TMEFF2: variants seen among roughly 807,000 people sequenced by gnomAD.
The protein encoded by TMEFF2 is transmembrane protein with EGF like and two follistatin like domains 2.
Under a neutral mutation model 53.8 loss-of-function variants are expected in TMEFF2, and 28 were observed. The observed-to-expected ratio is 0.52, with a 90% CI of 0.39 to 0.71. The LOEUF is 0.71. Among genes scored for constraint, TMEFF2 ranks in the 30% least tolerant of loss-of-function variants. The pLI, the probability that TMEFF2 is intolerant of heterozygous loss-of-function variation, is 0.00. For synonymous variants in TMEFF2, 162 were observed against 166.3 expected, an observed-to-expected ratio of 0.97 and a Z score of 0.20; for missense variants, 353 against 455.2, an observed-to-expected ratio of 0.78 and a Z score of 2.04.
chr2:192,039,275 TAAAA>T (rs986658303), intron 5 of TMEFF2, among the ~76,000 whole-genome samples: 1 of 152,072 alleles, frequency 6.6e-6, no homozygotes, highest in Non-Finnish European at 1.5e-5. Context: ...ATTCTATGAA[TAAAA>T]AAAGAAAGAA....
chr2:192,090,413 CAT>C (rs1688764602), intron 4 of TMEFF2, among the ~76,000 whole-genome samples: 1 of 152,100 alleles, frequency 6.6e-6, no homozygotes. Context: ...GGCATCATGA[CAT>C]GTCTTTAATC....
At chr2:191,977,074 A>G (rs1485335356) in intron 7 of TMEFF2, among the ~76,000 whole-genome samples, 1 of 152,236 alleles carries the variant, frequency 6.6e-6, no homozygotes, top group East Asian at 1.9e-4. Context: ...AATAAATGAA[A>G]GTGGCTGTTA....
At chr2:192,051,429 C>T (rs1687768687) in intron 5 of TMEFF2, among the ~76,000 whole-genome samples, 1 of 152,128 alleles carries the variant, frequency 6.6e-6, no homozygotes, top group Non-Finnish European at 1.5e-5. Flanking sequence ...ATATCCAAGT[C>T]TGACCTTTTT....
chr2:192,166,289 A>G (rs544833430), intron 4 of TMEFF2, among the ~76,000 whole-genome samples: 27 of 152,164 alleles, frequency 1.8e-4, no homozygotes, highest in Middle Eastern at 3.2e-3. Flanking sequence ...AGGGCTCAGA[A>G]GAGAGTTATC....
intron 4 of TMEFF2, among the ~76,000 whole-genome samples, chr2:192,168,237 A>G (rs1286861751): frequency 6.6e-6 from 1 of 152,082 alleles, no homozygotes; most frequent in Non-Finnish European, 1.5e-5. Context: ...TTTCCAAGTA[A>G]TATGCTTTGA....
At chr2:192,028,914 A>C (rs1687044364) in intron 5 of TMEFF2, 1 of 152,170 alleles carries the variant, frequency 6.6e-6, no homozygotes, top group Non-Finnish European at 1.5e-5. Context: ...ATGACAAAGC[A>C]AGTAAAAATC....
intron 4 of TMEFF2, among the ~76,000 whole-genome samples, chr2:192,075,332 T>TAAATATATATATATATATATAC (rs796267672): frequency 2.3e-5 from 2 of 88,148 alleles, no homozygotes; most frequent in African/African-American, 8.2e-5. Flanking sequence ...TATATATATA[T>TAAATATATATATATATATATAC]ACATACATAC....
chr2:191,989,976 A>G (rs185791664), intron 7 of TMEFF2, among the ~76,000 whole-genome samples: 2 of 151,998 alleles, frequency 1.3e-5, no homozygotes, highest in Non-Finnish European at 2.9e-5. Context: ...TGTATATTCT[A>G]CCCTCCTCCC....
At chr2:192,034,040 T>C (rs1441321258) in intron 5 of TMEFF2, among the ~76,000 whole-genome samples, 1 of 152,000 alleles carries the variant, frequency 6.6e-6, no homozygotes, top group Non-Finnish European at 1.5e-5. Context: ...CCGGGCGTGG[T>C]GGCAAGCGCC....
At chr2:192,001,824 T>C (rs1335252377) in intron 5 of TMEFF2, among the ~76,000 whole-genome samples, 2 of 152,168 alleles carry the variant, frequency 1.3e-5, no homozygotes, top group Non-Finnish European at 2.9e-5. Context: ...TAAACCTCTT[T>C]CTTTTGTAAA....
intron 4 of TMEFF2, among the ~76,000 whole-genome samples, chr2:192,061,393 A>AT (rs1236683492): frequency 6.6e-6 from 1 of 152,040 alleles, no homozygotes; most frequent in African/African-American, 2.4e-5. Context: ...ATAAAAAATA[A>AT]TAAAAAAATA....
intron 5 of TMEFF2, among the ~76,000 whole-genome samples, chr2:192,052,878 T>G (rs1170972332): frequency 6.6e-6 from 1 of 152,238 alleles, no homozygotes; most frequent in Non-Finnish European, 1.5e-5. Context: ...ATGGATGTAC[T>G]GGCGTGTGAA....
At chr2:192,031,941 T>A (rs971548765) in intron 5 of TMEFF2, 2 of 152,204 alleles carry the variant, frequency 1.3e-5, no homozygotes, top group African/African-American at 4.8e-5. Flanking sequence ...TTACTTATAA[T>A]CATCCTCTCT....
intron 5 of TMEFF2, among the ~76,000 whole-genome samples, chr2:192,033,244 CAT>C (rs1286005798): frequency 2.6e-5 from 4 of 152,116 alleles, no homozygotes; most frequent in Admixed American, 2.6e-4. Flanking sequence ...ATGTTTAAGA[CAT>C]AGGCAAAGAT....
chr2:192,127,901 T>C (rs920071924), intron 4 of TMEFF2, among the ~76,000 whole-genome samples: 6 of 152,234 alleles, frequency 3.9e-5, no homozygotes, highest in Non-Finnish European at 5.9e-5. Context: ...TTTTAATTTT[T>C]ATGTGCTACA....
intron 4 of TMEFF2, among the ~76,000 whole-genome samples, chr2:192,098,025 G>A (rs1688954268): frequency 6.6e-6 from 1 of 152,182 alleles, no homozygotes; most frequent in South Asian, 2.1e-4. Flanking sequence ...AAATACTGAG[G>A]TAAAATGTCG....
chr2:192,132,449 C>T (rs184426794), intron 4 of TMEFF2, among the ~76,000 whole-genome samples: 2,210 of 152,158 alleles, frequency 0.015, 50 homozygotes, highest in African/African-American at 0.047. Context: ...TCTCAATATA[C>T]ATTTTATTAC....
rs371327998 is a variant in TMEFF2, at chr2:192,129,178, C to T, written c.439+50490G>A. On this transcript the variant is annotated intron_variant, in intron 4 of 9. Transcript: ENST00000272771. Reference sequence around the variant, plus strand: ...AAATGACTAGGAATCCTGGGATCCTCGTGCAAATCTTCGAATTGGTTCCCT... The same window carrying T: ...AAATGACTAGGAATCCTGGGATCCTTGTGCAAATCTTCGAATTGGTTCCCT... Among the ~76,000 whole-genome samples, 41 of 152,264 alleles carry T rather than the reference C, an allele frequency of 2.7e-4. 2 individuals carry two copies. In the South Asian group the frequency reaches 7.9e-3, roughly 29 times the overall value.
chr2:192,124,740 A>G (rs1194177073), intron 4 of TMEFF2, among the ~76,000 whole-genome samples: 1 of 152,200 alleles, frequency 6.6e-6, no homozygotes, highest in Non-Finnish European at 1.5e-5. Flanking sequence ...AATGGAGTTT[A>G]AACATTTAAG....
Sources: allele counts gnomAD v4.1 joint callset (sites outside exome capture counted in the v4.1 genomes callset), GRCh38; gene constraint gnomAD v4.1.1; transcripts MANE v1.5; gene names NCBI Gene and HGNC (gene_info 2026-07-23, HGNC 2026-07-21).